Variants in CPED1 observed in about 807,000 individuals in gnomAD.
CPED1 encodes cadherin-like and PC-esterase domain-containing protein 1.
A neutral mutation model predicts 128.2 loss-of-function variants in CPED1; 114 were observed. The ratio of observed to expected loss-of-function variants is 0.89; its 90% confidence interval spans 0.76 to 1.04. The LOEUF (loss-of-function observed/expected upper bound fraction) is 1.04. Among genes scored for constraint, CPED1 ranks in the 50% least tolerant of loss-of-function variants. The pLI is 0.00. For missense variants in CPED1, 1,211 were observed against 1,207.1 expected, an observed-to-expected ratio of 1.00 and a Z score of -0.05; for synonymous variants, 462 against 426.7, an observed-to-expected ratio of 1.08 and a Z score of -1.02.
rs1192967016 is a variant in CPED1, at chr7:121,127,155, A to T, written c.1200A>T (p.Glu400Asp). The T allele has an allele frequency of 6.3e-7, 1 of 1,597,136 alleles. No homozygotes were observed. Among genetic ancestry groups the T allele is most frequent in the Admixed American group, 1.7e-5 (1 of 59,510 alleles). The change falls in exon 10 of 23, where the codon GAA becomes GAT. Residue 400 changes from glutamate (E) to aspartate (D), a missense_variant. Physicochemically the swap from Glu to Asp is conservative, Grantham distance 45. Transcript: ENST00000310396. ...NMDFEDQNTE[E>D]FLLNDTFNFL... ...ATTTTGAGGACCAAAATACAGAAGA[A>T]TTCCTTTTAAATGACACTTTCAATT...
chr7:121,140,019 T>C (rs1795866075), intron 14 of CPED1, among the ~76,000 whole-genome samples: 1 of 152,116 alleles, frequency 6.6e-6, no homozygotes, highest in South Asian at 2.1e-4. Context: ...TGTTAAGCTT[T>C]TGGGTAATTT....
intron 7 of CPED1, among the ~76,000 whole-genome samples, chr7:121,109,733 A>G (rs1563028996): frequency 6.6e-6 from 1 of 152,184 alleles, no homozygotes; most frequent in African/African-American, 2.4e-5. Context: ...GAATTTTTCT[A>G]TGTGCTTGAT....
intron 16 of CPED1, among the ~76,000 whole-genome samples, chr7:121,229,754 A>G (rs1347589443): frequency 1.3e-5 from 2 of 152,088 alleles, no homozygotes; most frequent in East Asian, 1.9e-4. Context: ...TACTAAGTAC[A>G]TCTTTCAATG....
chr7:121,279,972 G>A lies in CPED1; in HGVS notation c.2868+8542G>A, dbSNP rs139621424. Among the ~76,000 whole-genome samples the A allele has an allele frequency of 9.5e-4, 145 of 152,184 alleles. 1 individual carries two copies. Among genetic ancestry groups the A allele is most frequent in the African/African-American group, 3.3e-3 (139 of 41,524 alleles). On this transcript the variant is annotated intron_variant, in intron 22 of 22. Transcript: ENST00000310396. The stretch of plus-strand genomic sequence containing the variant: ...CTGACATGAAACTGAATGACCCACC[G>A]GAAGATCTTCTTTGAAAAGGCCAGA...
At chr7:121,117,756 A>T (rs1795288264) in intron 7 of CPED1, among the ~76,000 whole-genome samples, 1 of 152,116 alleles carries the variant, frequency 6.6e-6, no homozygotes, top group South Asian at 2.1e-4. Context: ...TTTCATACGG[A>T]TCATACATTC....
intron 16 of CPED1, among the ~76,000 whole-genome samples, chr7:121,147,081 A>G (rs1008057096): frequency 6.6e-6 from 1 of 152,158 alleles, no homozygotes; most frequent in Non-Finnish European, 1.5e-5. Context: ...TGAGGGACAA[A>G]GTCAACCCTG....
intron 16 of CPED1, among the ~76,000 whole-genome samples, chr7:121,150,016 AAAG>A (rs532357538): frequency 6.5e-4 from 99 of 152,236 alleles, no homozygotes; most frequent in African/African-American, 2.2e-3. Flanking sequence ...GATGGTGGTG[AAAG>A]AAGAGATCTT....
intron 7 of CPED1, among the ~76,000 whole-genome samples, chr7:121,112,933 G>C (rs1000948593): frequency 6.6e-6 from 1 of 152,130 alleles, no homozygotes; most frequent in Non-Finnish European, 1.5e-5. Flanking sequence ...TATTTAAATT[G>C]GGGGCAAGGG....
Position 121,266,451 on chromosome 7 carries a change from C to T in CPED1, c.2531+4C>T. ...CACTTGAACACCTCTTGCAAAGGTACAATGAAACTATAATGAAAGACACAA... is the reference window on the plus strand; with the variant it reads ...CACTTGAACACCTCTTGCAAAGGTATAATGAAACTATAATGAAAGACACAA... On this transcript the variant is annotated splice_donor_region_variant and intron_variant, in intron 19 of 22. Transcript: ENST00000310396. 1.2e-6 allele frequency: 2 copies of T among 1,605,230 alleles called. No homozygotes were observed. Among genetic ancestry groups the T allele is most frequent in the Non-Finnish European group, 1.7e-6 (2 of 1,172,408 alleles).
chr7:121,244,175 C>A (rs1798465652), intron 17 of CPED1, 27 bp from the exon 18 acceptor site: 2 of 1,613,980 alleles, frequency 1.2e-6, no homozygotes, highest in African/African-American at 1.3e-5. Context: ...GAAACAGAAC[C>A]AAAGAAAGTT....
intron 3 of CPED1, among the ~76,000 whole-genome samples, chr7:121,041,207 A>T (rs1289711177): frequency 6.6e-6 from 1 of 152,098 alleles, no homozygotes; most frequent in Non-Finnish European, 1.5e-5. Flanking sequence ...TGCTGTTCAC[A>T]TGCAGTTATT....
Position 120,989,733 on chromosome 7 carries a change from T to C in CPED1, c.112T>C (p.Ser38Pro). Residue 38 changes from serine to proline, a missense_variant, in exon 2 of 23, where the codon TCG becomes CCG. Ser to Pro is a moderately conservative substitution (Grantham distance 74). Coordinates refer to ENST00000310396, the MANE Select transcript of CPED1 (RefSeq NM_024913.5). ...CTACCAGACTCTGACCCTCCGAGGG[T>C]CGAGGAAGCTCACAGCCGCTGCCCC... ...LFYQTLTLRG[S>P]RKLTAAAPGA... The C allele has an allele frequency of 2.5e-6, 4 of 1,613,668 alleles. No homozygotes were observed. Among genetic ancestry groups the C allele is most frequent in the Non-Finnish European group, 3.4e-6 (4 of 1,179,930 alleles).
Position 121,192,920 on chromosome 7 carries a change from A to T in CPED1, c.2056-43794A>T, listed in dbSNP as rs73717474. On this transcript the variant is annotated intron_variant, in intron 16 of 22. Transcript: ENST00000310396. ...CCCACTGACTTTCTGACAATTTGTCATCAGGATCAACCATGTATTTTCTGG... is the reference window on the plus strand; with the variant it reads ...CCCACTGACTTTCTGACAATTTGTCTTCAGGATCAACCATGTATTTTCTGG... 5.8e-3 allele frequency among the ~76,000 whole-genome samples: 882 copies of T among 152,288 alleles called. 12 individuals are homozygous for T. The highest frequency in any genetic ancestry group is 0.02 in the African/African-American group (839 of 41,586).
intron 5 of CPED1, among the ~76,000 whole-genome samples, chr7:121,093,612 G>A (rs1033062595): frequency 1.3e-5 from 2 of 152,102 alleles, no homozygotes; most frequent in Admixed American, 6.6e-5. Flanking sequence ...TTGTCCCCTG[G>A]CATCTAGCAA....
At chr7:121,182,542 T>C (rs191044552) in intron 16 of CPED1, among the ~76,000 whole-genome samples, 259 of 151,912 alleles carry the variant, frequency 1.7e-3, no homozygotes, top group South Asian at 3.1e-3. Context: ...CTCTCCCTCC[T>C]ATCCCCTTTT....
intron 22 of CPED1, among the ~76,000 whole-genome samples, chr7:121,293,504 G>C (rs1369773418): frequency 9.2e-5 from 14 of 152,150 alleles, no homozygotes; most frequent in Admixed American, 3.3e-4. Context: ...CCGTTTCCAA[G>C]GGAGTGAACA....
intron 14 of CPED1, among the ~76,000 whole-genome samples, chr7:121,138,250 G>A (rs1328014484): frequency 1.3e-5 from 2 of 151,970 alleles, no homozygotes; most frequent in East Asian, 1.9e-4. Flanking sequence ...CATTAAAAGC[G>A]ACCAAAACTT....
chr7:121,004,007 C>T (rs1791937600), intron 2 of CPED1, among the ~76,000 whole-genome samples: 1 of 152,160 alleles, frequency 6.6e-6, no homozygotes, highest in Non-Finnish European at 1.5e-5. Context: ...ACCATGGTCC[C>T]TCCATGAATA....
chr7:121,231,391 ACAAGGTCATCTAATGAGAC>A, intron 16 of CPED1, among the ~76,000 whole-genome samples: 1 of 152,258 alleles, frequency 6.6e-6, no homozygotes. Context: ...GAAGTAGAAG[ACAAGGTCATCTAATGAGAC>A]CAACAGAGAT....
Sources: gnomAD v4.1 joint callset for allele counts (sites outside exome capture counted in the v4.1 genomes callset) on GRCh38, gnomAD v4.1.1 for gene constraint, MANE v1.5 for transcripts, NCBI Gene and HGNC (gene_info 2026-07-23, HGNC 2026-07-21) for gene names.